NDUFV3: variants seen among roughly 807,000 people sequenced by gnomAD.
NDUFV3 encodes NADH dehydrogenase [ubiquinone] flavoprotein 3, mitochondrial.
In NDUFV3, 44 loss-of-function variants were observed where a neutral mutation model predicts 37.5. The ratio of observed to expected loss-of-function variants is 1.17; its 90% CI spans 0.92 to 1.51. The LOEUF is 1.51. NDUFV3 is among the 40% of genes most tolerant of loss of function. The pLI, the probability that NDUFV3 is intolerant of heterozygous loss-of-function variation, is 0.00. For synonymous variants in NDUFV3, 235 were observed against 239.3 expected, an observed-to-expected ratio of 0.98 and a Z score of 0.17; for missense variants, 580 against 580.4, an observed-to-expected ratio of 1.00 and a Z score of 0.01.
intron 2 of NDUFV3, among the ~76,000 whole-genome samples, chr21:42,902,163 G>A (rs546862211): frequency 7.9e-5 from 12 of 152,048 alleles, no homozygotes; most frequent in Non-Finnish European, 1.2e-4. Flanking sequence ...ACTGGAGATC[G>A]TGCCATTGCA....
rs1354554458 is a variant in NDUFV3, at chr21:42,894,334, T to TAATATA, written c.48+953_48+954insAATATA. Among the ~76,000 whole-genome samples, 2 of 51,864 alleles carry TAATATA rather than the reference T, an allele frequency of 3.9e-5. 1 individual carries two copies. The highest frequency in any genetic ancestry group is 3.0e-4 in the African/African-American group (2 of 6,622). 34.0% of individuals were successfully genotyped at this position (51,864 alleles called of 152,430 possible). ...GTGTATATATATATATAAATACATA[T>TAATATA]TATATATATTATATATAAATATATA... On this transcript the variant is annotated intron_variant, in intron 1 of 3. Transcript: ENST00000354250.
chr21:42,906,787 G>T, intron 3 of NDUFV3: 1 of 493,014 alleles, frequency 2.0e-6, no homozygotes, highest in Non-Finnish European at 4.0e-6. Flanking sequence ...CCCACGTCTT[G>T]GTCAGTTATC....
At chr21:42,907,813 A>C (rs1050298926) in intron 3 of NDUFV3, among the ~76,000 whole-genome samples, 39 of 147,146 alleles carry the variant, frequency 2.7e-4, no homozygotes, top group African/African-American at 9.0e-4. Flanking sequence ...ATGATCTAGA[A>C]CTCCTGAGCT....
chr21:42,893,531 C>T (rs941756980), intron 1 of NDUFV3, 150 bp downstream of exon 1: 3 of 880,208 alleles, frequency 3.4e-6, no homozygotes, highest in Non-Finnish European at 5.1e-6. Context: ...GGGCCCAGGA[C>T]TGACCGCCAC....
Position 42,903,893 on chromosome 21 carries a change from A to C in NDUFV3, c.881A>C (p.His294Pro). ...GAAGTTAAAGGACCCTTACCTGTCC[A>C]CACAAAATCAGGGTTGTCTGCGCCA... is the stretch of plus-strand genomic sequence containing the variant. ...PFEVKGPLPV[H>P]TKSGLSAPPK... The change falls in exon 3 of 4, where the codon CAC (histidine) becomes CCC (proline). Residue 294 changes from histidine (H) to proline (P), a missense_variant. Coordinates refer to ENST00000354250, the MANE Select transcript of NDUFV3 (RefSeq NM_021075.4). The C allele has an allele frequency of 1.9e-6, 3 of 1,611,804 alleles. No homozygotes were observed. The highest frequency in any genetic ancestry group is 2.5e-6 in the Non-Finnish European group (3 of 1,179,114).
chr21:42,903,509 A>G lies in NDUFV3; in HGVS notation c.497A>G (p.Asp166Gly). The change falls in exon 3 of 4, where the codon GAT becomes GGT. Residue 166 changes from aspartate (D) to glycine (G), a missense_variant. Coordinates refer to ENST00000354250, the MANE Select transcript of NDUFV3 (RefSeq NM_021075.4). The stretch of plus-strand genomic sequence containing the variant: ...AGCTCCTCTGATTCTGAATCTGATG[A>G]TGAGGCTGACGTTTCAGAGGTCACT... ...SSSSSDSESDDEADVSEVTPR... is the reference protein window; with the variant it reads ...SSSSSDSESDGEADVSEVTPR... 3 of 1,614,190 alleles carry G rather than the reference A, an allele frequency of 1.9e-6. No individual in the cohort carries two copies. Among genetic ancestry groups the G allele is most frequent in the Non-Finnish European group, 2.5e-6 (3 of 1,180,040 alleles).
At chr21:42,907,751 C>T (rs934404237) in intron 3 of NDUFV3, among the ~76,000 whole-genome samples, 1 of 151,752 alleles carries the variant, frequency 6.6e-6, no homozygotes, top group Non-Finnish European at 1.5e-5. Flanking sequence ...GCTACTGGCC[C>T]CTGCTAATTT....
At chr21:42,902,037 T>C (rs1285662202) in intron 2 of NDUFV3, among the ~76,000 whole-genome samples, 5 of 152,112 alleles carry the variant, frequency 3.3e-5, no homozygotes, top group Non-Finnish European at 7.4e-5. Flanking sequence ...GGAGAAACCC[T>C]GTCTCTACTA....
In NDUFV3 at chr21:42,903,168, A is replaced by G; in HGVS notation, c.170-14A>G. On this transcript the variant is annotated splice_polypyrimidine_tract_variant and intron_variant, in intron 2 of 3. Coordinates refer to ENST00000354250, the MANE Select transcript of NDUFV3 (RefSeq NM_021075.4). ...GTTTTGTTAAATAACATTCCTCTTT[A>G]TGCCGTTTCCCAGATGTAGTGGAAC... 6.2e-7 allele frequency: 1 copy of G among 1,614,118 alleles called. No individual in the cohort carries two copies. Among genetic ancestry groups the G allele is most frequent in the Non-Finnish European group, 8.5e-7 (1 of 1,180,016 alleles).
At chr21:42,907,021 G>A in intron 3 of NDUFV3, 2 of 399,540 alleles carry the variant, frequency 5.0e-6, no homozygotes, top group South Asian at 3.8e-5. Context: ...ATGAATGGAA[G>A]TTAAGACAGA....
At chr21:42,894,645 GC>G (rs552850540) in intron 1 of NDUFV3, among the ~76,000 whole-genome samples, 1 of 142,132 alleles carries the variant, frequency 7.0e-6, no homozygotes, top group Admixed American at 7.7e-5. Flanking sequence ...TGCAACTTCT[GC>G]CCCCTGGGAT....
intron 2 of NDUFV3, among the ~76,000 whole-genome samples, chr21:42,902,805 T>C (rs1377688892): frequency 2.0e-5 from 3 of 152,216 alleles, no homozygotes; most frequent in African/African-American, 7.2e-5. Context: ...TTCCAAAATG[T>C]GCAGATGCTC....
intron 1 of NDUFV3, 82 bp from the exon 2 acceptor site, chr21:42,896,845 A>G: frequency 8.8e-7 from 1 of 1,137,936 alleles, no homozygotes; most frequent in Non-Finnish European, 1.2e-6. Context: ...GACTCAAAAA[A>G]TATATATATA....
chr21:42,893,422 G>A, intron 1 of NDUFV3, 41 bp downstream of exon 1: 1 of 1,533,018 alleles, frequency 6.5e-7, no homozygotes, highest in Non-Finnish European at 8.7e-7. Context: ...GCGGCCCCGA[G>A]CCTACGTAGG....
chr21:42,905,714 C>A (rs915329833), intron 3 of NDUFV3, among the ~76,000 whole-genome samples: 1 of 152,076 alleles, frequency 6.6e-6, no homozygotes, highest in Non-Finnish European at 1.5e-5. Flanking sequence ...CAGGGTTTTA[C>A]CATGTAGGCC....
At chr21:42,894,914 G>A (rs2058684099) in intron 1 of NDUFV3, among the ~76,000 whole-genome samples, 2 of 152,048 alleles carry the variant, frequency 1.3e-5, no homozygotes, top group Admixed American at 1.3e-4. Context: ...ATAGGCCTTA[G>A]TGAGTATATG....
intron 1 of NDUFV3, among the ~76,000 whole-genome samples, chr21:42,894,867 T>A (rs2058683916): frequency 6.6e-6 from 1 of 152,052 alleles, no homozygotes; most frequent in Non-Finnish European, 1.5e-5. Context: ...CTCTGTTCTG[T>A]ATCCAGCATC....
In NDUFV3 at chr21:42,909,333, G is replaced by A; in HGVS notation, c.*312G>A. The A allele has an allele frequency of 2.8e-6, 1 of 353,788 alleles. No homozygotes were observed. The highest frequency in any genetic ancestry group is 2.2e-5 in the South Asian group (1 of 44,860). The allele number at this position is 353,788 out of a possible 1,614,324, so 21.9% of individuals were successfully genotyped here. On this transcript the variant is annotated 3_prime_UTR_variant, in exon 4 of 4. Transcript: ENST00000354250. ...ACTTTTGTATTTTTAGTAGAGACAG[G>A]GTTTCACCATGTTGGCCAGGCTGGT...
rs200386429 is a variant in NDUFV3 at position 42,903,325 on chromosome 21, G to A, written c.313G>A (p.Val105Met). 33 of 1,614,054 alleles carry A rather than the reference G, an allele frequency of 2.0e-5. No individual in the cohort carries two copies. The highest frequency in any genetic ancestry group is 3.3e-4 in the Middle Eastern group (2 of 6,084). Residue 105 changes from valine to methionine, a missense_variant, in exon 3 of 4, where the codon GTG becomes ATG. By Grantham distance (21) the Val-to-Met change is conservative. Coordinates refer to ENST00000354250, the MANE Select transcript of NDUFV3 (RefSeq NM_021075.4). ...AGCTAGTCCCAGTCCCAGTGGCAGC[G>A]TGCTATTCACAGATGAAGGGGTTCC... ...KVASPSPSGS[V>M]LFTDEGVPKF...
Sources: gnomAD v4.1 joint callset for allele counts (sites outside exome capture counted in the v4.1 genomes callset) on GRCh38, gnomAD v4.1.1 for gene constraint, MANE v1.5 for transcripts, NCBI Gene and HGNC (gene_info 2026-07-23, HGNC 2026-07-21) for gene names.